MTCL1: variants seen among roughly 807,000 people sequenced by gnomAD.
MTCL1 encodes the protein microtubule cross-linking factor 1.
In MTCL1, 79 loss-of-function variants were observed where a neutral mutation model predicts 141.4. The ratio of observed to expected loss-of-function variants is 0.56; its 90% CI spans 0.47 to 0.67. The LOEUF (loss-of-function observed/expected upper bound fraction) is 0.67. Ranked by LOEUF, MTCL1 falls within the 30% of genes least tolerant of loss-of-function variation. The pLI is 0.00. For synonymous variants in MTCL1, 914 were observed against 875.8 expected, an observed-to-expected ratio of 1.04 and a Z score of -0.77; for missense variants, 2,177 against 2,113.9, an observed-to-expected ratio of 1.03 and a Z score of -0.59.
At chr18:8,753,249 C>T (rs1346898077) in intron 4 of MTCL1, among the ~76,000 whole-genome samples, 2 of 152,178 alleles carry the variant, frequency 1.3e-5, no homozygotes, top group Non-Finnish European at 2.9e-5. Flanking sequence ...GAGGCATGGC[C>T]TTCTAATCCA....
chr18:8,826,347 T>C (rs1415492439), intron 15 of MTCL1, 115 bp downstream of exon 14: 2 of 1,058,090 alleles, frequency 1.9e-6, no homozygotes. Flanking sequence ...CGTCCATGAT[T>C]GGTTATTGGG....
At chr18:8,723,478 C>T (rs1415546814) in intron 4 of MTCL1, among the ~76,000 whole-genome samples, 6 of 152,174 alleles carry the variant, frequency 3.9e-5, no homozygotes, top group Admixed American at 2.0e-4. Context: ...TGTGTCTGAG[C>T]AGCAGCAGTT....
chr18:8,767,423 G>C (rs939683777), intron 4 of MTCL1, among the ~76,000 whole-genome samples: 1 of 152,192 alleles, frequency 6.6e-6, no homozygotes, highest in African/African-American at 2.4e-5. Flanking sequence ...CTCCCTAGTG[G>C]AAGAGTCTCT....
At chr18:8,795,485 A>G (rs1051220167) in intron 8 of MTCL1, among the ~76,000 whole-genome samples, 1 of 152,222 alleles carries the variant, frequency 6.6e-6, no homozygotes, top group African/African-American at 2.4e-5. Context: ...ACTTTTTAGT[A>G]TTGATACACA....
chr18:8,760,488 CG>C (rs1326102029), intron 4 of MTCL1, among the ~76,000 whole-genome samples: 1 of 152,184 alleles, frequency 6.6e-6, no homozygotes, highest in Non-Finnish European at 1.5e-5. Flanking sequence ...GTCATCTCAG[CG>C]GGGTGGCCCC....
intron 7 of MTCL1, chr18:8,789,689 T>A: frequency 2.0e-6 from 2 of 985,222 alleles, no homozygotes; most frequent in Non-Finnish European, 2.4e-6. Flanking sequence ...AATAGGGAGA[T>A]CAAGATGAAT....
At chr18:8,760,073 C>T (rs1471260934) in intron 4 of MTCL1, among the ~76,000 whole-genome samples, 1 of 152,178 alleles carries the variant, frequency 6.6e-6, no homozygotes, top group African/African-American at 2.4e-5. Context: ...AATCCCAAAG[C>T]CACAGCACAT....
rs2096056690 is a variant in MTCL1, at chr18:8,705,737, A to G, written c.77A>G (p.His26Arg). 22 of 1,204,996 alleles carry G rather than the reference A, an allele frequency of 1.8e-5. No homozygotes were observed. Among genetic ancestry groups the G allele is most frequent in the Non-Finnish European group, 2.3e-5 (22 of 970,556 alleles). 74.6% of individuals were successfully genotyped at this position (1,204,996 alleles called of 1,614,324 possible). A position where few individuals can be genotyped will look rare whatever the true frequency, so the allele number is the denominator to read the frequency against. ...CAGCCGCCCGGCCAGCACCACCGCC[A>G]CCACCACCTCCACCCGGTGGCCGAA... is the stretch of plus-strand genomic sequence containing the variant. Residue 26 changes from histidine to arginine, a missense_variant, in exon 1 of 14, where the codon CAC becomes CGC. Coordinates refer to the MTCL1 transcript ENST00000306329. This position sits in a 1 kb window ranked among gnomAD's most constrained non-coding sequence, Gnocchi z 5.2.
intron 4 of MTCL1, among the ~76,000 whole-genome samples, chr18:8,729,846 GTGGTATCAATTTTA>G (rs1457284239): frequency 2.6e-5 from 4 of 151,898 alleles, no homozygotes; most frequent in Non-Finnish European, 4.4e-5. Flanking sequence ...GATTCCTTTT[GTGGTATCAATTTTA>G]AAAGCTCTGT....
At chr18:8,780,318 C>T (rs141391622) in intron 5 of MTCL1, among the ~76,000 whole-genome samples, 196 of 152,360 alleles carry the variant, frequency 1.3e-3, no homozygotes, top group Middle Eastern at 3.4e-3. Context: ...CTCTGCCCCT[C>T]GCCTGCACCT....
chr18:8,747,507 C>T (rs1372193367), intron 4 of MTCL1, among the ~76,000 whole-genome samples: 5 of 152,258 alleles, frequency 3.3e-5, no homozygotes, highest in African/African-American at 4.8e-5. Context: ...ATCACACAAC[C>T]TCTTCCCTGT....
intron 4 of MTCL1, among the ~76,000 whole-genome samples, chr18:8,732,284 TA>T (rs766165930): frequency 9.9e-5 from 15 of 151,950 alleles, no homozygotes; most frequent in Non-Finnish European, 2.1e-4. Context: ...TTTATTTATT[TA>T]TTTTTTAGTA....
At chr18:8,825,522 G>C (rs762243128) in exon 15 of MTCL1, 1 of 1,612,220 alleles carries the variant, frequency 6.2e-7, no homozygotes. Flanking sequence ...GCGTGGCAGC[G>C]GTGTCACCAG....
chr18:8,716,744 G>T (rs1195608441), upstream of MTCL1, among the ~76,000 whole-genome samples: 1 of 151,882 alleles, frequency 6.6e-6, no homozygotes, highest in Non-Finnish European at 1.5e-5. Flanking sequence ...GTATAGGAGA[G>T]ATTTTTTTTT....
At chr18:8,793,655 C>T (rs528303246) in intron 8 of MTCL1, among the ~76,000 whole-genome samples, 4 of 152,304 alleles carry the variant, frequency 2.6e-5, no homozygotes, top group South Asian at 2.1e-4. Flanking sequence ...TGTGGGCACT[C>T]GTCGCCCTGG....
At position 8,705,858 on chromosome 18, in the gene MTCL1, G is replaced by T. The variant is rs2096057057; in HGVS notation, c.198G>T (p.Ser66=). The change falls in exon 1 of 14, where the codon TCG becomes TCT. Residue 66 remains serine, a synonymous_variant. Coordinates refer to the MTCL1 transcript ENST00000306329. This position sits in a 1 kb window ranked among gnomAD's most constrained non-coding sequence, Gnocchi z 5.2. ...CGCCCGGCCCGGCCGTCCCCTCCTC[G>T]GGCCGAGCCCCGGCTCCCGCCGCCC... 2.6e-6 allele frequency: 3 copies of T among 1,155,070 alleles called. No homozygotes were observed. Among genetic ancestry groups the T allele is most frequent in the African/African-American group, 3.3e-5 (2 of 61,054 alleles). The allele number at this position is 1,155,070 out of a possible 1,614,324, so 71.6% of individuals were successfully genotyped here. A position where few individuals can be genotyped will look rare whatever the true frequency, so the allele number is the denominator to read the frequency against.
rs770984965 is a variant in MTCL1 at position 8,825,057 on chromosome 18, G to A, written c.3547G>A (p.Val1183Ile). 3.7e-6 allele frequency: 6 copies of A among 1,612,920 alleles called. No homozygotes were observed. The highest frequency in any genetic ancestry group is 4.2e-6 in the Non-Finnish European group (5 of 1,179,938). ...CCAGAAGCAGCCACTGCGGAGCCACGTCCTCACCGAGCAGTCGGGGTTGCG... is the reference window on the plus strand; with the variant it reads ...CCAGAAGCAGCCACTGCGGAGCCACATCCTCACCGAGCAGTCGGGGTTGCG... Residue 1183 changes from valine to isoleucine, a missense_variant, in exon 15 of 17, where the codon GTC (valine) becomes ATC (isoleucine). Transcript: ENST00000359865.
intron 4 of MTCL1, among the ~76,000 whole-genome samples, chr18:8,737,492 C>A (rs1462349863): frequency 6.6e-6 from 1 of 152,186 alleles, no homozygotes; most frequent in African/African-American, 2.4e-5. Context: ...GGGGTCTGGG[C>A]TGGCCATCAG....
chr18:8,742,091 G>A (rs1241174219), intron 4 of MTCL1, among the ~76,000 whole-genome samples: 3 of 151,764 alleles, frequency 2.0e-5, no homozygotes, highest in Middle Eastern at 3.2e-3. Flanking sequence ...CTTCAGACAG[G>A]CAGAAGCCAG....
Sources: gnomAD v4.1 joint callset for allele counts (sites outside exome capture counted in the v4.1 genomes callset) on GRCh38, gnomAD v4.1.1 for gene constraint, Gnocchi (gnomAD v3.1) non-coding constraint, MANE v1.5 for transcripts, NCBI Gene and HGNC (gene_info 2026-07-23, HGNC 2026-07-21) for gene names.